EVI5: variants seen among roughly 807,000 people sequenced by gnomAD.
EVI5 encodes the protein ecotropic viral integration site 5, also known as ecotropic viral integration site 5 protein homolog.
In EVI5, 73 loss-of-function variants were observed where a neutral mutation model predicts 112.0. The ratio of observed to expected loss-of-function variants is 0.65; its 90% CI spans 0.54 to 0.79. The LOEUF (loss-of-function observed/expected upper bound fraction) is 0.79. EVI5 is among the 30% of genes least tolerant of loss of function. The pLI is 0.00. For missense variants in EVI5, 900 were observed against 968.8 expected (o/e 0.93, Z 0.94); for synonymous variants, 305 against 319.9 (o/e 0.95, Z 0.50).
chr1:92,787,506 C>T (rs1028129228), upstream of EVI5, among the ~76,000 whole-genome samples: 4 of 151,876 alleles, frequency 2.6e-5, no homozygotes, highest in African/African-American at 4.8e-5. Flanking sequence ...CTGAGGCCGG[C>T]GGATCATTTA....
In EVI5 at chr1:92,639,865, A is replaced by T. The variant is rs1276820848; in HGVS notation, c.1393-3529T>A. ...GAGGCATCACGCTACCTGACTTCAA[A>T]CTATACTACAAGGCTACAGTAACCC... On this transcript the variant is annotated intron_variant, in intron 13 of 19. Transcript: ENST00000684568. 2.0e-5 allele frequency among the ~76,000 whole-genome samples: 3 copies of T among 152,224 alleles called. No homozygotes were observed. In the East Asian group the frequency reaches 5.8e-4, roughly 29 times the overall value.
chr1:92,765,715 T>C (rs1401062522), intron 1 of EVI5, among the ~76,000 whole-genome samples: 3 of 152,154 alleles, frequency 2.0e-5, no homozygotes, highest in Non-Finnish European at 2.9e-5. Flanking sequence ...AAGGAATTAT[T>C]ATTACATGAA....
At chr1:92,629,017 C>T (rs189837149) in intron 14 of EVI5, among the ~76,000 whole-genome samples, 339 of 152,274 alleles carry the variant, frequency 2.2e-3, no homozygotes, top group African/African-American at 7.5e-3. Context: ...CAGCCACTTA[C>T]GAAATCCATT....
At chr1:92,572,027 CAT>C (rs1228853119) in intron 18 of EVI5, among the ~76,000 whole-genome samples, 2 of 152,128 alleles carry the variant, frequency 1.3e-5, no homozygotes, top group Non-Finnish European at 1.5e-5. Flanking sequence ...CATAACATAA[CAT>C]GTGTAAAAGG....
At chr1:92,746,152 C>T (rs945331352) in intron 1 of EVI5, among the ~76,000 whole-genome samples, 1 of 152,172 alleles carries the variant, frequency 6.6e-6, no homozygotes. Flanking sequence ...CTCTTTACCT[C>T]GCTTCTGTTT....
At chr1:92,536,833 G>A (rs1442341832) in intron 19 of EVI5, among the ~76,000 whole-genome samples, 1 of 152,112 alleles carries the variant, frequency 6.6e-6, no homozygotes, top group Non-Finnish European at 1.5e-5. Context: ...TAGGACACTG[G>A]TAACTTAAAA....
chr1:92,788,977 A>AT (rs1685883793), upstream of EVI5, among the ~76,000 whole-genome samples: 1 of 152,150 alleles, frequency 6.6e-6, no homozygotes, highest in Non-Finnish European at 1.5e-5. Flanking sequence ...ACCCCCTTGC[A>AT]TATGAAGAAG....
intron 19 of EVI5, among the ~76,000 whole-genome samples, chr1:92,559,558 G>A (rs1325332584): frequency 3.3e-5 from 5 of 151,958 alleles, no homozygotes; most frequent in Non-Finnish European, 7.4e-5. Context: ...CGGATCACAA[G>A]GTTAGGAGTT....
intron 19 of EVI5, among the ~76,000 whole-genome samples, chr1:92,542,237 T>A (rs896270397): frequency 3.9e-5 from 6 of 152,214 alleles, no homozygotes; most frequent in Non-Finnish European, 7.4e-5. Flanking sequence ...ACAGTATCTT[T>A]ACCAGGAGAA....
At chr1:92,699,377 C>T (rs915200814) in intron 5 of EVI5, among the ~76,000 whole-genome samples, 2 of 152,158 alleles carry the variant, frequency 1.3e-5, no homozygotes, top group Non-Finnish European at 2.9e-5. Flanking sequence ...CCATATCCTA[C>T]CATCAACAGA....
intron 1 of EVI5, among the ~76,000 whole-genome samples, chr1:92,757,606 G>GA (rs950161097): frequency 2.8e-4 from 40 of 144,166 alleles, no homozygotes; most frequent in Middle Eastern, 3.5e-3. Context: ...TTTTTAAAAA[G>GA]AAAAAAAAAA....
intron 16 of EVI5, among the ~76,000 whole-genome samples, chr1:92,618,568 A>ACCATGCCCTGGG (rs1420908315): frequency 5.9e-5 from 9 of 152,176 alleles, no homozygotes; most frequent in African/African-American, 2.2e-4. Context: ...CCCTGTGATT[A>ACCATGCCCTGGG]AGGTCAATGG....
intron 18 of EVI5, among the ~76,000 whole-genome samples, chr1:92,565,127 C>T (rs1669231904): frequency 6.6e-6 from 1 of 152,190 alleles, no homozygotes; most frequent in Non-Finnish European, 1.5e-5. Flanking sequence ...ACTCCTGATA[C>T]CAAAAGAGTA....
chr1:92,779,420 G>A (rs1399643958), intron 1 of EVI5, among the ~76,000 whole-genome samples: 1 of 152,026 alleles, frequency 6.6e-6, no homozygotes, highest in East Asian at 1.9e-4. Context: ...CTACTTGGAG[G>A]GCCGAGACGG....
intron 19 of EVI5, among the ~76,000 whole-genome samples, chr1:92,550,781 A>AAAATATATATAT (rs1557766166): frequency 4.9e-5 from 1 of 20,330 alleles, no homozygotes; most frequent in Non-Finnish European, 7.7e-5. Flanking sequence ...AAAAAAAAAA[A>AAAATATATATAT]ATATATATAT....
Position 92,513,894 on chromosome 1 carries a change from A to G in EVI5, c.2243T>C (p.Ile748Thr). The G allele has an allele frequency of 6.2e-7, 1 of 1,610,228 alleles. No homozygotes were observed. Among genetic ancestry groups the G allele is most frequent in the Non-Finnish European group, 8.5e-7 (1 of 1,177,366 alleles). The change falls in exon 20 of 20, where the codon ATA (isoleucine) becomes ACA (threonine). Residue 748 changes from isoleucine to threonine, a missense_variant. Coordinates refer to ENST00000684568, the MANE Select transcript of EVI5 (RefSeq NM_001350197.2). Reference sequence around the variant, plus strand: ...GGAATGGAATGATTCATCATCTCCTATTAAATGGTTGACAATGTGGATTCC... The same window carrying G: ...GGAATGGAATGATTCATCATCTCCTGTTAAATGGTTGACAATGTGGATTCC... ...FDGIHIVNHL[I>T]GDDESFHSSD...
chr1:92,513,658 A>C lies in EVI5; in HGVS notation c.2479T>G (p.Ter827GlyextTer4). The C allele has an allele frequency of 6.3e-7, 1 of 1,596,814 alleles. No individual in the cohort carries two copies. The highest frequency in any genetic ancestry group is 8.6e-7 in the Non-Finnish European group (1 of 1,169,542). The change falls in exon 20 of 20, where the codon TGA becomes GGA. Residue 827 changes from the stop codon to glycine (G), a stop_lost. Coordinates refer to ENST00000684568, the MANE Select transcript of EVI5 (RefSeq NM_001350197.2). ...RRRESYSTTV* is the reference protein window; with the variant it reads ...RRRESYSTTVG ...CATAGTCTAGGTCACAGTGATGGTCAGACAGTGGTTGAATACGACTCTCTT... is the reference window on the plus strand; with the variant it reads ...CATAGTCTAGGTCACAGTGATGGTCCGACAGTGGTTGAATACGACTCTCTT...
chr1:92,518,176 G>T (rs1660273563), intron 19 of EVI5, among the ~76,000 whole-genome samples: 1 of 152,142 alleles, frequency 6.6e-6, no homozygotes, highest in African/African-American at 2.4e-5. Context: ...GGGATTACAG[G>T]TGTGAACCAT....
intron 13 of EVI5, chr1:92,647,458 AT>A: frequency 2.4e-6 from 1 of 409,316 alleles, no homozygotes; most frequent in Non-Finnish European, 4.7e-6. Context: ...TGCCTTTGTC[AT>A]TTCACCACAT....
Sources: allele counts gnomAD v4.1 joint callset (sites outside exome capture counted in the v4.1 genomes callset), GRCh38; gene constraint gnomAD v4.1.1; transcripts MANE v1.5; gene names NCBI Gene and HGNC (gene_info 2026-07-23, HGNC 2026-07-21).